Variants in SUGCT observed in about 807,000 individuals in gnomAD.
The protein encoded by SUGCT is succinyl-CoA:glutarate-CoA transferase.
In SUGCT, 41 loss-of-function variants were observed where a neutral mutation model predicts 55.0. That is an observed-to-expected ratio of 0.74 (90% confidence interval 0.58 to 0.97). The LOEUF is 0.97. SUGCT is among the 50% of genes least tolerant of loss of function. SUGCT has a pLI of 0.00. For missense variants in SUGCT, 568 were observed against 547.8 expected, an observed-to-expected ratio of 1.04 and a Z score of -0.37; for synonymous variants, 187 against 200.4, an observed-to-expected ratio of 0.93 and a Z score of 0.56.
At chr7:40,722,521 G>A (rs1466530784) in intron 12 of SUGCT, among the ~76,000 whole-genome samples, 1 of 152,148 alleles carries the variant, frequency 6.6e-6, no homozygotes, top group East Asian at 1.9e-4. Flanking sequence ...ATTCCAAAAA[G>A]CAGTCAAGCC....
intron 12 of SUGCT, among the ~76,000 whole-genome samples, chr7:40,504,798 A>G (rs775048485): frequency 2.2e-4 from 33 of 152,190 alleles, no homozygotes; most frequent in Non-Finnish European, 4.3e-4. Flanking sequence ...TTTCATGTCA[A>G]TTAATCTTGC....
chr7:40,989,074 C>CA, the SUGCT span, among the ~76,000 whole-genome samples: 1 of 151,730 alleles, frequency 6.6e-6, no homozygotes, highest in South Asian at 2.1e-4. Context: ...GTATAAAAAA[C>CA]AATGTACAGA....
intron 13 of SUGCT, among the ~76,000 whole-genome samples, chr7:40,842,247 G>A (rs1793314547): frequency 6.6e-6 from 1 of 151,872 alleles, no homozygotes; most frequent in Non-Finnish European, 1.5e-5. Context: ...TTGTACAATT[G>A]TACAAATTAC....
intron 13 of SUGCT, among the ~76,000 whole-genome samples, chr7:40,827,460 C>T (rs1472930712): frequency 2.0e-5 from 3 of 152,118 alleles, no homozygotes; most frequent in East Asian, 1.9e-4. Flanking sequence ...AGAGCTGCTG[C>T]GTTTTAGAGG....
intron 9 of SUGCT, among the ~76,000 whole-genome samples, chr7:40,397,371 A>G (rs1162551594): frequency 6.6e-6 from 1 of 152,168 alleles, no homozygotes; most frequent in Non-Finnish European, 1.5e-5. Flanking sequence ...TGTGATATTT[A>G]TCTCCTTTGA....
intron 13 of SUGCT, among the ~76,000 whole-genome samples, chr7:40,822,652 T>G (rs1792083962): frequency 6.6e-6 from 1 of 152,154 alleles, no homozygotes; most frequent in African/African-American, 2.4e-5. Context: ...AGAAAATGAT[T>G]GATAGACTGA....
intron 9 of SUGCT, among the ~76,000 whole-genome samples, chr7:40,325,416 T>C (rs1352480054): frequency 6.6e-6 from 1 of 152,158 alleles, no homozygotes; most frequent in Admixed American, 6.5e-5. Context: ...ATAATCATGA[T>C]GGTTACCAAC....
chr7:40,736,503 A>G (rs1447791848), intron 12 of SUGCT, among the ~76,000 whole-genome samples: 6 of 151,762 alleles, frequency 4.0e-5, no homozygotes, highest in Admixed American at 2.6e-4. Flanking sequence ...AATTAAATAC[A>G]TTAAATAAAA....
intron 12 of SUGCT, among the ~76,000 whole-genome samples, chr7:40,542,382 A>G (rs1222417726): frequency 6.6e-6 from 1 of 152,176 alleles, no homozygotes; most frequent in African/African-American, 2.4e-5. Context: ...CCCTTTCTCC[A>G]GGGATACCTC....
chr7:40,190,861 G>A (rs1487459456), intron 5 of SUGCT, among the ~76,000 whole-genome samples: 1 of 152,120 alleles, frequency 6.6e-6, no homozygotes, highest in African/African-American at 2.4e-5. Context: ...ACAAAAAATT[G>A]CCTGTCAGGG....
the SUGCT span, among the ~76,000 whole-genome samples, chr7:40,894,019 A>G: frequency 2.0e-5 from 3 of 149,532 alleles, no homozygotes; most frequent in Non-Finnish European, 4.4e-5. Flanking sequence ...ATGCCACTGC[A>G]CTCCAGCCTG....
intron 13 of SUGCT, among the ~76,000 whole-genome samples, chr7:40,847,407 C>CTTTTTTTTTTT (rs1338885686): frequency 3.4e-5 from 4 of 117,886 alleles, no homozygotes; most frequent in South Asian, 3.1e-4. Flanking sequence ...TCTTTTCTTT[C>CTTTTTTTTTTT]TTTCTTTTTT....
intron 1 of SUGCT, among the ~76,000 whole-genome samples, chr7:40,141,637 CA>C (rs58487461): frequency 0.093 from 5,302 of 57,104 alleles, 248 homozygotes; most frequent in African/African-American, 0.24. Flanking sequence ...GACTCCATCT[CA>C]AAAAAAAAAA....
At chr7:40,705,342 A>T (rs1226884935) in intron 12 of SUGCT, among the ~76,000 whole-genome samples, 1 of 152,234 alleles carries the variant, frequency 6.6e-6, no homozygotes, top group Non-Finnish European at 1.5e-5. Flanking sequence ...CATCCCAGGT[A>T]GATTTAGATA....
At chr7:40,835,797 C>G (rs1415991623) in intron 13 of SUGCT, among the ~76,000 whole-genome samples, 1 of 152,098 alleles carries the variant, frequency 6.6e-6, no homozygotes, top group African/African-American at 2.4e-5. Context: ...ACTTTTCTAT[C>G]CCCCAATTGC....
At chr7:40,633,554 A>G (rs1799889100) in intron 12 of SUGCT, among the ~76,000 whole-genome samples, 1 of 152,216 alleles carries the variant, frequency 6.6e-6, no homozygotes. Flanking sequence ...CAGGAAAGCG[A>G]TACCTTTTAG....
chr7:40,933,341 C>T, the SUGCT span, among the ~76,000 whole-genome samples: 1 of 152,134 alleles, frequency 6.6e-6, no homozygotes, highest in African/African-American at 2.4e-5. Flanking sequence ...GGTAACTCGA[C>T]CTTTCTCTCT....
At chr7:40,291,907 A>G (rs1793804831) in intron 8 of SUGCT, among the ~76,000 whole-genome samples, 1 of 152,182 alleles carries the variant, frequency 6.6e-6, no homozygotes. Context: ...TAAAGAGGCA[A>G]GGAAACAGAT....
intron 8 of SUGCT, among the ~76,000 whole-genome samples, chr7:40,285,565 G>A (rs533621704): frequency 6.6e-6 from 1 of 151,546 alleles, no homozygotes; most frequent in East Asian, 1.9e-4. Flanking sequence ...ATCAATCAGT[G>A]GTGACTATTT....
Sources: allele counts gnomAD v4.1 joint callset (sites outside exome capture counted in the v4.1 genomes callset), GRCh38; gene constraint gnomAD v4.1.1; transcripts MANE v1.5; gene names NCBI Gene and HGNC (gene_info 2026-07-23, HGNC 2026-07-21).